The following EPHA3 variants were observed in gnomAD, a reference collection of about 807,000 sequenced individuals.
EPHA3 encodes EPH receptor A3.
In EPHA3, 42 loss-of-function variants were observed where a neutral mutation model predicts 107.1. The ratio of observed to expected loss-of-function variants is 0.39; its 90% CI spans 0.31 to 0.51. The LOEUF is 0.51. Among genes scored for constraint, EPHA3 ranks in the 20% least tolerant of loss-of-function variants. The pLI, the probability that EPHA3 is intolerant of heterozygous loss-of-function variation, is 0.78. For missense variants in EPHA3, 1,183 were observed against 1,211.2 expected, an observed-to-expected ratio of 0.98 and a Z score of 0.35; for synonymous variants, 461 against 424.8, an observed-to-expected ratio of 1.09 and a Z score of -1.05.
At chr3:89,111,483 G>T (rs1707106514) in intron 1 of EPHA3, among the ~76,000 whole-genome samples, 1 of 151,180 alleles carries the variant, frequency 6.6e-6, no homozygotes, top group Admixed American at 6.6e-5. Flanking sequence ...TAATTTAATA[G>T]CTCTCCTAAT....
At chr3:89,193,379 A>C (rs1705763919) in intron 2 of EPHA3, among the ~76,000 whole-genome samples, 1 of 152,034 alleles carries the variant, frequency 6.6e-6, no homozygotes, top group Non-Finnish European at 1.5e-5. Flanking sequence ...CAATTGTTAC[A>C]ATTTGATAAT....
At chr3:89,415,580 G>T (rs1450006556) in intron 10 of EPHA3, among the ~76,000 whole-genome samples, 1 of 149,292 alleles carries the variant, frequency 6.7e-6, no homozygotes, top group African/African-American at 2.4e-5. Flanking sequence ...ACTATAGAAA[G>T]AATTATACTT....
At chr3:89,408,023 A>T (rs771170608) in intron 8 of EPHA3, 44 bp from the exon 9 acceptor site, 1 of 1,565,712 alleles carries the variant, frequency 6.4e-7, no homozygotes, top group Non-Finnish European at 8.7e-7. Flanking sequence ...AACTATTTTA[A>T]ATATATTCCT....
chr3:89,158,800 G>A (rs1463341687), intron 2 of EPHA3, among the ~76,000 whole-genome samples: 1 of 152,084 alleles, frequency 6.6e-6, no homozygotes, highest in Non-Finnish European at 1.5e-5. Flanking sequence ...ACTGGATCAA[G>A]CTGTCTTCCA....
At chr3:89,468,374 T>C (rs1052508102) in intron 15 of EPHA3, among the ~76,000 whole-genome samples, 13 of 152,174 alleles carry the variant, frequency 8.5e-5, no homozygotes, top group African/African-American at 3.1e-4. Flanking sequence ...TAATTTTCTC[T>C]AAACTCTTGT....
chr3:89,352,836 G>C (rs1707859373), intron 5 of EPHA3, among the ~76,000 whole-genome samples: 1 of 146,572 alleles, frequency 6.8e-6, no homozygotes, highest in Non-Finnish European at 1.5e-5. Context: ...CCAGGAGGCG[G>C]AGGTTGCAGT....
At chr3:89,251,538 C>A (rs1353467308) in intron 3 of EPHA3, among the ~76,000 whole-genome samples, 1 of 151,896 alleles carries the variant, frequency 6.6e-6, no homozygotes, top group Non-Finnish European at 1.5e-5. Flanking sequence ...GGCTATTAAT[C>A]TAATTAATAG....
chr3:89,120,192 T>C (rs1707345734), intron 1 of EPHA3, among the ~76,000 whole-genome samples: 1 of 152,226 alleles, frequency 6.6e-6, no homozygotes, highest in Admixed American at 6.5e-5. Context: ...TTTTTAATCT[T>C]TCAAAAAGGT....
At chr3:89,138,594 C>T (rs148802087) in intron 2 of EPHA3, among the ~76,000 whole-genome samples, 35 of 151,794 alleles carry the variant, frequency 2.3e-4, no homozygotes, top group African/African-American at 8.0e-4. Context: ...ATGCTCACAT[C>T]AATCAAAGAC....
intron 1 of EPHA3, 74 bp downstream of exon 1, chr3:89,107,910 G>A (rs1707012140): frequency 4.8e-6 from 7 of 1,453,698 alleles, no homozygotes. Flanking sequence ...TCTCACCGAA[G>A]CCTTGCACGT....
At chr3:89,333,689 A>G (rs546094364) in intron 3 of EPHA3, among the ~76,000 whole-genome samples, 135 of 152,220 alleles carry the variant, frequency 8.9e-4, no homozygotes, top group African/African-American at 3.2e-3. Context: ...CCTGACCAGT[A>G]TGGTGAAACC....
intron 2 of EPHA3, among the ~76,000 whole-genome samples, chr3:89,137,125 T>C (rs1704331081): frequency 6.6e-6 from 1 of 151,990 alleles, no homozygotes; most frequent in Non-Finnish European, 1.5e-5. Flanking sequence ...AAATAGTGTA[T>C]GGCAGACTGA....
intron 2 of EPHA3, among the ~76,000 whole-genome samples, chr3:89,135,520 T>C (rs1434602392): frequency 1.3e-5 from 2 of 152,142 alleles, no homozygotes; most frequent in African/African-American, 4.8e-5. Context: ...TTTTGTTTTG[T>C]TTTGTTTTTT....
rs551265625 is a variant in EPHA3, at chr3:89,437,283, AAAG to A, written c.2346+5928_2346+5930del. ...AGTTTTATGTGATATAATATATTTT[AAAG>A]AAGTAGCTTTGAAAGCAGAACTGCA... On this transcript the variant is annotated intron_variant, in intron 13 of 16. Transcript: ENST00000336596. 2.2e-4 allele frequency among the ~76,000 whole-genome samples: 34 copies of A among 152,278 alleles called. No individual in the cohort carries two copies. The South Asian group carries it at 6.8e-3, about 31-fold the overall frequency.
chr3:89,345,215 TG>T (rs1389396508), intron 5 of EPHA3, among the ~76,000 whole-genome samples: 2 of 151,348 alleles, frequency 1.3e-5, no homozygotes, highest in Non-Finnish European at 3.0e-5. Flanking sequence ...TAATAGAGAA[TG>T]TATGTGGCCT....
At chr3:89,395,080 T>C (rs1467992019) in intron 5 of EPHA3, among the ~76,000 whole-genome samples, 3 of 152,234 alleles carry the variant, frequency 2.0e-5, no homozygotes, top group Non-Finnish European at 2.9e-5. Context: ...GGGTTTTTAT[T>C]CATATTCCAT....
intron 3 of EPHA3, among the ~76,000 whole-genome samples, chr3:89,216,329 T>C (rs1395490914): frequency 6.6e-6 from 1 of 152,024 alleles, no homozygotes; most frequent in Non-Finnish European, 1.5e-5. Flanking sequence ...AGAACATTGC[T>C]TTGTAGACAA....
rs148673018 is a variant in EPHA3 at position 89,435,880 on chromosome 3, G to C, written c.2346+4521G>C. Among the ~76,000 whole-genome samples the C allele has an allele frequency of 9.7e-3, 1,465 of 150,738 alleles. 27 individuals are homozygous for C. The highest frequency in any genetic ancestry group is 0.034 in the African/African-American group (1,401 of 41,292). The stretch of plus-strand genomic sequence containing the variant: ...AGGCATAAGAACTGCTTGAACCTGG[G>C]AGGCAGAGGTTGCAGCGAACGGAGA... On this transcript the variant is annotated intron_variant, in intron 13 of 16. Coordinates refer to ENST00000336596, the MANE Select transcript of EPHA3 (RefSeq NM_005233.6).
chr3:89,118,468 A>G (rs1424872216), intron 1 of EPHA3, among the ~76,000 whole-genome samples: 3 of 151,928 alleles, frequency 2.0e-5, no homozygotes, highest in Non-Finnish European at 4.4e-5. Context: ...AATTAGTAAT[A>G]TTCCTTTAAA....
Sources: gnomAD v4.1 joint callset for allele counts (sites outside exome capture counted in the v4.1 genomes callset) on GRCh38, gnomAD v4.1.1 for gene constraint, MANE v1.5 for transcripts, NCBI Gene and HGNC (gene_info 2026-07-23, HGNC 2026-07-21) for gene names.